Variants in AFDN observed in about 807,000 individuals in gnomAD.
AFDN encodes afadin, adherens junction formation factor.
Under a neutral mutation model 216.6 loss-of-function variants are expected in AFDN, and 68 were observed. The observed-to-expected ratio is 0.31, with a 90% CI of 0.26 to 0.38. AFDN has a LOEUF of 0.38. Ranked by LOEUF, AFDN falls within the 10% of genes least tolerant of loss-of-function variation. AFDN has a pLI of 1.00. For missense variants in AFDN, 2,136 were observed against 2,342.0 expected, an observed-to-expected ratio of 0.91 and a Z score of 1.82; for synonymous variants, 868 against 853.7, an observed-to-expected ratio of 1.02 and a Z score of -0.29.
At chr6:167,905,013 C>G (rs1789483196) in intron 12 of AFDN, among the ~76,000 whole-genome samples, 1 of 152,168 alleles carries the variant, frequency 6.6e-6, no homozygotes. Flanking sequence ...GGCTTCCATC[C>G]TGTGCCCGTG....
rs145398413 is a variant in AFDN, at chr6:167,898,757, A to T, written c.1580+290A>T. On this transcript the variant is annotated intron_variant, in intron 11 of 33. Coordinates refer to ENST00000683244, the MANE Select transcript of AFDN (RefSeq NM_001386888.1). ...GTACCTTTTCTTTTGTGAAAAAAACATGGTGTTCTTTGTAATTATTCAGTG... is the reference window on the plus strand; with the variant it reads ...GTACCTTTTCTTTTGTGAAAAAAACTTGGTGTTCTTTGTAATTATTCAGTG... Among the ~76,000 whole-genome samples, 1,141 of 152,298 alleles carry T rather than the reference A, an allele frequency of 7.5e-3. 18 individuals are homozygous for T. The highest frequency in any genetic ancestry group is 0.026 in the African/African-American group (1,083 of 41,564).
intron 30 of AFDN, among the ~76,000 whole-genome samples, chr6:167,959,875 G>T (rs556327936): frequency 1.6e-3 from 249 of 152,264 alleles, no homozygotes; most frequent in Admixed American, 2.7e-3. Flanking sequence ...TCGGGTAATA[G>T]TTATTTTTTA....
In AFDN at chr6:167,951,517, G is replaced by A. The variant is rs1442291993; in HGVS notation, c.4163G>A (p.Gly1388Glu). 1.2e-6 allele frequency: 2 copies of A among 1,613,826 alleles called. No individual in the cohort carries two copies. Among genetic ancestry groups the A allele is most frequent in the Non-Finnish European group, 1.7e-6 (2 of 1,179,974 alleles). Reference protein sequence around the residue: ...PPVHYAGDFDGMSMDLPLPPP... With the variant: ...PPVHYAGDFDEMSMDLPLPPP... ...GTCCACTATGCCGGTGATTTCGATG[G>A]AATGTCCATGGATTTGCCTCTCCCA... The change falls in exon 30 of 34, where the codon GGA becomes GAA. Residue 1388 changes from glycine to glutamate, a missense_variant. Transcript: ENST00000683244. The surrounding 1 kb of genome is among the most constrained non-coding windows in gnomAD (Gnocchi z 7.1).
chr6:167,863,444 G>C (rs1260348416), intron 1 of AFDN, among the ~76,000 whole-genome samples: 2 of 152,200 alleles, frequency 1.3e-5, no homozygotes, highest in Non-Finnish European at 2.9e-5. Flanking sequence ...GGACCAAATG[G>C]TTTGACTTTT....
chr6:167,882,973 C>T (rs1199903686), intron 6 of AFDN, among the ~76,000 whole-genome samples: 2 of 151,924 alleles, frequency 1.3e-5, no homozygotes, highest in Non-Finnish European at 2.9e-5. Context: ...AAATGATTCC[C>T]CATCCAGACT....
chr6:167,934,120 G>A (rs947878186), intron 23 of AFDN, among the ~76,000 whole-genome samples: 56 of 152,188 alleles, frequency 3.7e-4, no homozygotes, highest in African/African-American at 1.3e-3. Context: ...TGCAAATGTC[G>A]CGTGCGGTCT....
intron 1 of AFDN, among the ~76,000 whole-genome samples, chr6:167,860,865 A>G (rs892795630): frequency 1.3e-5 from 2 of 152,226 alleles, no homozygotes; most frequent in African/African-American, 4.8e-5. Flanking sequence ...GTCACCAACA[A>G]TTTCTTTCTC....
chr6:167,961,251 C>T (rs970813871), intron 30 of AFDN, among the ~76,000 whole-genome samples: 1 of 152,164 alleles, frequency 6.6e-6, no homozygotes, highest in Non-Finnish European at 1.5e-5. Flanking sequence ...TCATTTTAAT[C>T]CTATAAATAT....
At chr6:167,871,295 T>C (rs747350503) in intron 3 of AFDN, among the ~76,000 whole-genome samples, 2 of 152,188 alleles carry the variant, frequency 1.3e-5, no homozygotes, top group African/African-American at 2.4e-5. Flanking sequence ...ACAAAAAAAG[T>C]TAAGAATGCA....
chr6:167,859,071 GTTTTTTTT>G (rs933336720), intron 1 of AFDN, among the ~76,000 whole-genome samples: 1 of 109,028 alleles, frequency 9.2e-6, no homozygotes, highest in East Asian at 2.8e-4. Context: ...GGCCGTTCTT[GTTTTTTTT>G]TTTTTTTTTT....
At chr6:167,883,390 A>G (rs1201361233) in intron 6 of AFDN, among the ~76,000 whole-genome samples, 1 of 152,206 alleles carries the variant, frequency 6.6e-6, no homozygotes, top group Non-Finnish European at 1.5e-5. Flanking sequence ...TATTCTGTGC[A>G]TAGCAATAAA....
intron 23 of AFDN, among the ~76,000 whole-genome samples, chr6:167,932,178 T>C (rs908934098): frequency 6.6e-6 from 1 of 152,214 alleles, no homozygotes; most frequent in Non-Finnish European, 1.5e-5. Flanking sequence ...TTGTTTTCTA[T>C]AAGCTGCGTG....
intron 23 of AFDN, among the ~76,000 whole-genome samples, chr6:167,932,991 T>G (rs540692020): frequency 6.6e-6 from 1 of 152,228 alleles, no homozygotes; most frequent in Non-Finnish European, 1.5e-5. Flanking sequence ...GCTTCTTATT[T>G]AAGAAAACAG....
At chr6:167,890,780 G>A in intron 7 of AFDN, 82 bp from the exon 8 acceptor site, 1 of 1,368,110 alleles carries the variant, frequency 7.3e-7, no homozygotes, top group Non-Finnish European at 1.0e-6. Context: ...TTTTGAGAAA[G>A]TTTTGCACAG....
Position 167,911,286 on chromosome 6 carries a change from G to A in AFDN, c.1834G>A (p.Glu612Lys), listed in dbSNP as rs1450940982. Residue 612 changes from glutamate (E) to lysine (K), a missense_variant and splice_region_variant, in exon 15 of 34, where the codon GAA (glutamate) becomes AAA (lysine). Around this residue, in one of 8 missense-constraint regions of AFDN, gnomAD observed 817 missense variants for 965.7 expected, o/e 0.85. Transcript: ENST00000683244. ...PASIEFRESS[E>K]DSFLSAIINY... Reference sequence around the variant, plus strand: ...TTGTTTTTGAAATCTTTCCACAGCTGAAGATTCATTTTTGTCTGCCATTAT... The same window carrying A: ...TTGTTTTTGAAATCTTTCCACAGCTAAAGATTCATTTTTGTCTGCCATTAT... 6.2e-7 allele frequency: 1 copy of A among 1,613,014 alleles called. No individual in the cohort carries two copies. Among genetic ancestry groups the A allele is most frequent in the African/African-American group, 1.3e-5 (1 of 74,968 alleles).
intron 2 of AFDN, among the ~76,000 whole-genome samples, chr6:167,865,191 A>G (rs1182931793): frequency 6.6e-6 from 1 of 152,142 alleles, no homozygotes; most frequent in African/African-American, 2.4e-5. Context: ...ATACATTTTC[A>G]TTATTCTTTG....
chr6:167,838,905 T>C (rs2128120192), intron 1 of AFDN, among the ~76,000 whole-genome samples: 1 of 152,368 alleles, frequency 6.6e-6, no homozygotes, highest in East Asian at 1.9e-4. Flanking sequence ...CTACTCACTC[T>C]GCTAGTGTTG....
chr6:167,848,574 T>C (rs1333753851), intron 1 of AFDN, among the ~76,000 whole-genome samples: 1 of 152,206 alleles, frequency 6.6e-6, no homozygotes, highest in African/African-American at 2.4e-5. Flanking sequence ...TCTTCTGTAC[T>C]GATGTAAAAT....
At chr6:167,870,925 C>T (rs1468233590) in intron 3 of AFDN, among the ~76,000 whole-genome samples, 1 of 152,040 alleles carries the variant, frequency 6.6e-6, no homozygotes, top group Non-Finnish European at 1.5e-5. Context: ...AATTAGTAAA[C>T]TTTCTTGAAT....
Sources: allele counts gnomAD v4.1 joint callset (sites outside exome capture counted in the v4.1 genomes callset), GRCh38; gene constraint gnomAD v4.1.1; regional missense constraint gnomAD v4.1.1; non-coding constraint Gnocchi (gnomAD v3.1); transcripts MANE v1.5; gene names NCBI Gene and HGNC (gene_info 2026-07-23, HGNC 2026-07-21).